BRINP3: variants seen among roughly 807,000 people sequenced by gnomAD.
BRINP3 encodes the protein BMP/retinoic acid-inducible neural-specific protein 3.
Under a neutral mutation model 71.0 loss-of-function variants are expected in BRINP3, and 19 were observed. That is an observed-to-expected ratio of 0.27 (90% confidence interval 0.19 to 0.39). The LOEUF (loss-of-function observed/expected upper bound fraction) is 0.39, where lower values mean the gene tolerates loss of function less well. Ranked by LOEUF, BRINP3 falls within the 10% of genes least tolerant of loss-of-function variation. The pLI, the probability that BRINP3 is intolerant of heterozygous loss-of-function variation, is 1.00. For missense variants in BRINP3, 959 were observed against 940.8 expected, an observed-to-expected ratio of 1.02 and a Z score of -0.25; for synonymous variants, 380 against 337.7, an observed-to-expected ratio of 1.13 and a Z score of -1.37.
chr1:190,165,629 T>C (rs1651460967), intron 6 of BRINP3, among the ~76,000 whole-genome samples: 1 of 151,736 alleles, frequency 6.6e-6, no homozygotes, highest in Admixed American at 6.6e-5. Context: ...CTATTTCTTG[T>C]TTCTTGAGAA....
At chr1:190,119,697 A>C (rs1290447748) in intron 7 of BRINP3, among the ~76,000 whole-genome samples, 2 of 152,222 alleles carry the variant, frequency 1.3e-5, no homozygotes, top group African/African-American at 2.4e-5. Flanking sequence ...TTTATTCAGA[A>C]AAATCATGAG....
intron 2 of BRINP3, among the ~76,000 whole-genome samples, chr1:190,403,777 A>G (rs1275387610): frequency 6.6e-6 from 1 of 152,234 alleles, no homozygotes; most frequent in African/African-American, 2.4e-5. Context: ...TTCTCTGGAT[A>G]TTTGACTATA....
At chr1:190,296,054 T>C (rs1183933781) in intron 2 of BRINP3, among the ~76,000 whole-genome samples, 2 of 148,212 alleles carry the variant, frequency 1.3e-5, no homozygotes, top group Non-Finnish European at 3.0e-5. Context: ...TGTTTGTTTG[T>C]TTGCTTTTGT....
intron 7 of BRINP3, among the ~76,000 whole-genome samples, chr1:190,157,006 T>C (rs927665978): frequency 3.3e-5 from 5 of 152,010 alleles, no homozygotes; most frequent in Admixed American, 2.6e-4. Context: ...TTTACTCTAG[T>C]ATCTGCTCAA....
chr1:190,456,657 G>A (rs906747434), intron 1 of BRINP3, among the ~76,000 whole-genome samples: 12 of 151,564 alleles, frequency 7.9e-5, no homozygotes, highest in Admixed American at 2.0e-4. Flanking sequence ...TATGTGTAGT[G>A]GTATAGTATA....
intron 6 of BRINP3, among the ~76,000 whole-genome samples, chr1:190,223,658 A>G (rs966205814): frequency 3.3e-5 from 5 of 151,930 alleles, no homozygotes; most frequent in African/African-American, 1.2e-4. Flanking sequence ...TCAACATGAC[A>G]TGGAAAGTCC....
chr1:190,301,227 A>ATATATATC (rs1664709099), intron 2 of BRINP3, among the ~76,000 whole-genome samples: 1 of 125,524 alleles, frequency 8.0e-6, no homozygotes, highest in Non-Finnish European at 1.6e-5. Context: ...ATATATATAT[A>ATATATATC]TATATATACA....
chr1:190,333,956 C>T (rs1028356690), intron 2 of BRINP3, among the ~76,000 whole-genome samples: 2 of 151,884 alleles, frequency 1.3e-5, no homozygotes, highest in African/African-American at 4.8e-5. Flanking sequence ...AATAAGTTTT[C>T]TCAGTTCCAT....
rs1227040389 is a variant in BRINP3 at position 190,281,604 on chromosome 1, A to G, written c.383T>C (p.Ile128Thr). 1 of 1,612,736 alleles carries G rather than the reference A, an allele frequency of 6.2e-7. No homozygotes were observed. Among genetic ancestry groups the G allele is most frequent in the Admixed American group, 1.7e-5 (1 of 59,826 alleles). The change falls in exon 3 of 8, where the codon ATC becomes ACC. Residue 128 changes from isoleucine (I) to threonine (T), a missense_variant. By Grantham distance (89) the Ile-to-Thr change is moderately conservative. Transcript: ENST00000367462. ...PTLQQITENLIKKYGTHFLLS... is the reference protein window; with the variant it reads ...PTLQQITENLTKKYGTHFLLS... ...CAAGAAATGTGTCCCATATTTCTTG[A>G]TAAGGTTTTCTGTGATTTGCTGAAG...
intron 2 of BRINP3, among the ~76,000 whole-genome samples, chr1:190,437,268 C>T (rs1453910461): frequency 1.3e-5 from 2 of 151,734 alleles, no homozygotes; most frequent in Non-Finnish European, 3.0e-5. Flanking sequence ...TTGGGCTTTT[C>T]TCCATTTCCA....
At chr1:190,228,803 G>A (rs1179880793) in intron 5 of BRINP3, among the ~76,000 whole-genome samples, 2 of 151,058 alleles carry the variant, frequency 1.3e-5, no homozygotes, top group African/African-American at 4.9e-5. Context: ...TTTTTTTTCT[G>A]CTATGTACAG....
intron 6 of BRINP3, among the ~76,000 whole-genome samples, chr1:190,212,920 A>G (rs1656110553): frequency 1.3e-5 from 2 of 152,050 alleles, no homozygotes; most frequent in Admixed American, 6.6e-5. Context: ...ATGGTTGTTT[A>G]TTATTGCAAA....
intron 7 of BRINP3, among the ~76,000 whole-genome samples, chr1:190,100,831 C>T (rs1465286347): frequency 6.6e-6 from 1 of 152,130 alleles, no homozygotes; most frequent in African/African-American, 2.4e-5. Flanking sequence ...CTATTAGATT[C>T]ATGGTTTGAA....
chr1:190,176,653 T>C (rs1372182338), intron 6 of BRINP3, among the ~76,000 whole-genome samples: 1 of 152,212 alleles, frequency 6.6e-6, no homozygotes, highest in Admixed American at 6.5e-5. Flanking sequence ...ATATAGTTCC[T>C]GGATCTGCTA....
intron 6 of BRINP3, among the ~76,000 whole-genome samples, chr1:190,166,959 G>A (rs1200349592): frequency 6.6e-6 from 1 of 151,874 alleles, no homozygotes; most frequent in Non-Finnish European, 1.5e-5. Flanking sequence ...TCCTGACCTC[G>A]GGTGATCTGC....
intron 2 of BRINP3, among the ~76,000 whole-genome samples, chr1:190,365,616 A>G (rs10920706): frequency 2.1e-5 from 3 of 146,052 alleles, no homozygotes; most frequent in African/African-American, 7.5e-5. Flanking sequence ...ATTAAAATAT[A>G]TTAATATATT....
rs1028961249 is a variant in BRINP3 at position 190,099,231 on chromosome 1, G to A, written c.1185-97C>T. 7.5e-5 allele frequency: 90 copies of A among 1,203,682 alleles called. No individual in the cohort carries two copies. The African/African-American group carries it at 1.3e-3, about 17-fold the overall frequency. The allele number at this position is 1,203,682 out of a possible 1,614,324, so 74.6% of individuals were successfully genotyped here. A position where few individuals can be genotyped will look rare whatever the true frequency, so the allele number is the denominator to read the frequency against. On this transcript the variant is annotated intron_variant, in intron 7 of 7. Transcript: ENST00000367462. Reference sequence around the variant, plus strand: ...AGAAATCTTTGCTATCATTTCTTCAGGTCATCTCCAGCCAGTAATTTAAAT... The same window carrying A: ...AGAAATCTTTGCTATCATTTCTTCAAGTCATCTCCAGCCAGTAATTTAAAT...
At chr1:190,274,418 C>T (rs1391507607) in intron 3 of BRINP3, among the ~76,000 whole-genome samples, 1 of 151,506 alleles carries the variant, frequency 6.6e-6, no homozygotes, top group Non-Finnish European at 1.5e-5. Context: ...ATTCAACTTC[C>T]TTACATTTGA....
intron 2 of BRINP3, among the ~76,000 whole-genome samples, chr1:190,305,528 A>T (rs1665033751): frequency 6.6e-6 from 1 of 151,758 alleles, no homozygotes; most frequent in Non-Finnish European, 1.5e-5. Context: ...TCTCACTAAT[A>T]TATGGAATCA....
Sources: gnomAD v4.1 joint callset for allele counts (sites outside exome capture counted in the v4.1 genomes callset) on GRCh38, gnomAD v4.1.1 for gene constraint, MANE v1.5 for transcripts, NCBI Gene and HGNC (gene_info 2026-07-23, HGNC 2026-07-21) for gene names.